Variants in RBMS3 observed in about 807,000 individuals in gnomAD.
RBMS3 encodes RNA-binding motif, single-stranded-interacting protein 3.
Under a neutral mutation model 66.8 loss-of-function variants are expected in RBMS3, and 27 were observed. The ratio of observed to expected loss-of-function variants is 0.40; its 90% CI spans 0.30 to 0.56. The LOEUF is 0.56. Among genes scored for constraint, RBMS3 ranks in the 20% least tolerant of loss-of-function variants. The pLI is 0.40. For missense variants in RBMS3, 513 were observed against 549.5 expected (o/e 0.93, Z 0.66); for synonymous variants, 188 against 183.0 (o/e 1.03, Z -0.22).
chr3:29,864,393 GGACCTAGT>G (rs762681815), intron 6 of RBMS3, among the ~76,000 whole-genome samples: 3 of 152,136 alleles, frequency 2.0e-5, no homozygotes, highest in Non-Finnish European at 4.4e-5. Context: ...CTCAGGAAAG[GGACCTAGT>G]GCTGTAGTGG....
chr3:29,482,698 TTTC>T (rs1347223358), intron 2 of RBMS3, among the ~76,000 whole-genome samples: 35 of 105,284 alleles, frequency 3.3e-4, no homozygotes, highest in African/African-American at 1.7e-3. Context: ...TCTTTCTTTC[TTTC>T]TTTTTTTTTT....
At chr3:29,848,308 A>G (rs1028762198) in intron 6 of RBMS3, among the ~76,000 whole-genome samples, 4 of 152,198 alleles carry the variant, frequency 2.6e-5, no homozygotes, top group African/African-American at 9.6e-5. Context: ...CCTGTGCTGT[A>G]TGAACTATGC....
At chr3:29,719,099 A>C (rs2053530668) in intron 4 of RBMS3, among the ~76,000 whole-genome samples, 1 of 151,976 alleles carries the variant, frequency 6.6e-6, no homozygotes, top group South Asian at 2.1e-4. Flanking sequence ...GTTAAAACGC[A>C]GATCTGATTT....
intron 5 of RBMS3, among the ~76,000 whole-genome samples, chr3:29,758,698 C>T (rs2055532354): frequency 6.6e-6 from 1 of 152,142 alleles, no homozygotes; most frequent in Non-Finnish European, 1.5e-5. Context: ...ATCTTTGTTT[C>T]TGGAACTCAC....
chr3:29,352,143 T>C (rs2036954543), intron 1 of RBMS3, among the ~76,000 whole-genome samples: 1 of 152,120 alleles, frequency 6.6e-6, no homozygotes, highest in South Asian at 2.1e-4. Context: ...ATTTCATAAT[T>C]ATTTTTAAGA....
intron 12 of RBMS3, among the ~76,000 whole-genome samples, chr3:29,980,203 T>C (rs1428650990): frequency 6.6e-6 from 1 of 152,206 alleles, no homozygotes; most frequent in Non-Finnish European, 1.5e-5. Flanking sequence ...GAGCTTTTTT[T>C]TCATATGTTT....
At position 29,679,496 on chromosome 3, in the gene RBMS3, C is replaced by A. The variant is rs186271445; in HGVS notation, c.400-60224C>A. On this transcript the variant is annotated intron_variant, in intron 4 of 14. Coordinates refer to ENST00000383767, the MANE Select transcript of RBMS3 (RefSeq NM_001003793.3). ...ATGTAATTGCCAAAATTTAATCAAG[C>A]ATTTAATTTGTAGCTCATACCAGCC... is the stretch of plus-strand genomic sequence containing the variant. Among the ~76,000 whole-genome samples, 431 of 152,166 alleles carry A rather than the reference C, an allele frequency of 2.8e-3. 2 individuals are homozygous for A. The highest frequency in any genetic ancestry group is 9.5e-3 in the African/African-American group (394 of 41,490).
chr3:29,432,528 C>G (rs887573004), intron 1 of RBMS3, among the ~76,000 whole-genome samples: 1 of 152,168 alleles, frequency 6.6e-6, no homozygotes, highest in African/African-American at 2.4e-5. Flanking sequence ...ATGCTAAGTG[C>G]TGTCTTTATT....
chr3:29,318,901 A>T (rs781150189), intron 1 of RBMS3, among the ~76,000 whole-genome samples: 1 of 151,946 alleles, frequency 6.6e-6, no homozygotes, highest in Non-Finnish European at 1.5e-5. Context: ...AATCAGATTC[A>T]GGGAAAATAC....
chr3:29,385,223 A>G (rs1008049137), intron 1 of RBMS3, among the ~76,000 whole-genome samples: 7 of 152,170 alleles, frequency 4.6e-5, no homozygotes, highest in African/African-American at 1.4e-4. Flanking sequence ...AGCACATGCT[A>G]AAGTGACCAC....
intron 4 of RBMS3, among the ~76,000 whole-genome samples, chr3:29,690,075 A>G (rs1275466895): frequency 6.6e-6 from 1 of 151,726 alleles, no homozygotes. Flanking sequence ...TATACATTTT[A>G]TTAATCACAT....
intron 4 of RBMS3, among the ~76,000 whole-genome samples, chr3:29,660,823 C>A (rs1395406868): frequency 6.6e-6 from 1 of 151,990 alleles, no homozygotes; most frequent in African/African-American, 2.4e-5. Flanking sequence ...CTCCTATGCA[C>A]AGATAAAGAG....
chr3:29,678,381 C>T (rs1426279744), intron 4 of RBMS3, among the ~76,000 whole-genome samples: 2 of 151,818 alleles, frequency 1.3e-5, no homozygotes, highest in East Asian at 1.9e-4. Flanking sequence ...GTTCTTACAC[C>T]AAACAGTAAA....
intron 3 of RBMS3, among the ~76,000 whole-genome samples, chr3:29,512,214 C>T (rs62236918): frequency 0.083 from 12,597 of 151,904 alleles, 926 homozygotes; most frequent in East Asian, 0.39. Context: ...ATTTACCAAG[C>T]AGAGGACTGC....
intron 4 of RBMS3, among the ~76,000 whole-genome samples, chr3:29,708,416 C>T (rs932854381): frequency 3.3e-5 from 5 of 152,024 alleles, no homozygotes; most frequent in African/African-American, 4.8e-5. Context: ...TAAGAATTAC[C>T]CCAAATTATT....
At chr3:29,564,485 TAAAAAAAA>T (rs201649263) in intron 3 of RBMS3, among the ~76,000 whole-genome samples, 1 of 130,666 alleles carries the variant, frequency 7.7e-6, no homozygotes, top group Non-Finnish European at 1.7e-5. Flanking sequence ...AAAAGTTCAT[TAAAAAAAA>T]AAAAAAAAAA....
chr3:29,617,060 G>A (rs1278176029), intron 4 of RBMS3: 1 of 152,150 alleles, frequency 6.6e-6, no homozygotes, highest in Non-Finnish European at 1.5e-5. Flanking sequence ...TGAAAAGATG[G>A]ATAGATGGAT....
Position 29,388,815 on chromosome 3 carries a change from T to C in RBMS3, c.76-45928T>C, listed in dbSNP as rs1015180153. Among the ~76,000 whole-genome samples the C allele has an allele frequency of 9.2e-5, 14 of 152,242 alleles. No homozygotes were observed. In the South Asian group the frequency reaches 1.9e-3, roughly 20 times the overall value. On this transcript the variant is annotated intron_variant, in intron 1 of 14. Transcript: ENST00000383767. The stretch of plus-strand genomic sequence containing the variant: ...TCCTGACCTCGTGATCCGCCCGCCT[T>C]GGCCTCCCAAAGTGCTGGGATTACA...
At chr3:29,626,861 C>A (rs2049080790) in intron 4 of RBMS3, among the ~76,000 whole-genome samples, 1 of 152,084 alleles carries the variant, frequency 6.6e-6, no homozygotes, top group African/African-American at 2.4e-5. Flanking sequence ...TCTTTCTGTG[C>A]CTCAGTTTCT....
Sources: gnomAD v4.1 joint callset for allele counts (sites outside exome capture counted in the v4.1 genomes callset) on GRCh38, gnomAD v4.1.1 for gene constraint, MANE v1.5 for transcripts, NCBI Gene and HGNC (gene_info 2026-07-23, HGNC 2026-07-21) for gene names.